Variants in INPP5A observed in about 807,000 individuals in gnomAD.
INPP5A encodes 43 kDa inositol polyphosphate 5-phophatase.
INPP5A carries 14 observed loss-of-function variants against 65.2 expected under a neutral mutation model. The ratio of observed to expected loss-of-function variants is 0.21; its 90% confidence interval spans 0.14 to 0.34. The LOEUF (loss-of-function observed/expected upper bound fraction) is 0.34. INPP5A is among the 10% of genes least tolerant of loss of function. The probability of loss-of-function intolerance (pLI) is 1.00; values close to 1 mark genes in which losing one functional copy is unlikely to be tolerated. For synonymous variants in INPP5A, 207 were observed against 208.3 expected (o/e 0.99, Z 0.05); for missense variants, 431 against 545.6 (o/e 0.79, Z 2.09).
rs559844299 is a variant in INPP5A at position 132,649,106 on chromosome 10, T to C, written c.219-1312T>C. Among the ~76,000 whole-genome samples the C allele has an allele frequency of 4.6e-5, 7 of 152,360 alleles. No individual in the cohort carries two copies. The South Asian group carries it at 1.4e-3, about 32-fold the overall frequency. On this transcript the variant is annotated intron_variant, in intron 3 of 15. Coordinates refer to ENST00000368594, the MANE Select transcript of INPP5A (RefSeq NM_005539.5). ...TGTGTTTCGGTTTGGATCGCCTCTG[T>C]TGCTGTATTTTTAAGTGGCTGGGCT...
intron 12 of INPP5A, among the ~76,000 whole-genome samples, chr10:132,770,449 C>CA (rs1457155573): frequency 6.6e-6 from 1 of 152,254 alleles, no homozygotes; most frequent in African/African-American, 2.4e-5. Context: ...TGGGAATTGT[C>CA]ACGTCCATTG....
In INPP5A at chr10:132,547,707, C is replaced by T. The variant is rs1396530133; in HGVS notation, c.75+9536C>T. ...TTTTCAAAGGGTTCCTCCGGGACGCCTCGCCTAGGCAAGCAGGGTTTTCCT... is the reference window on the plus strand; with the variant it reads ...TTTTCAAAGGGTTCCTCCGGGACGCTTCGCCTAGGCAAGCAGGGTTTTCCT... On this transcript the variant is annotated intron_variant, in intron 1 of 15. Coordinates refer to ENST00000368594, the MANE Select transcript of INPP5A (RefSeq NM_005539.5). This position sits in a 1 kb window ranked among gnomAD's most constrained non-coding sequence, Gnocchi z 5.5. Among the ~76,000 whole-genome samples, 1 of 152,120 alleles carries T rather than the reference C, an allele frequency of 6.6e-6. No homozygotes were observed. The highest frequency in any genetic ancestry group is 2.4e-5 in the African/African-American group (1 of 41,432).
rs893948181 is a variant in INPP5A at position 132,659,312 on chromosome 10, A to G, written c.306+8807A>G. Among the ~76,000 whole-genome samples the G allele has an allele frequency of 6.6e-6, 1 of 152,188 alleles. No individual in the cohort carries two copies. The highest frequency in any genetic ancestry group is 1.5e-5 in the Non-Finnish European group (1 of 68,028). On this transcript the variant is annotated intron_variant, in intron 4 of 15. Transcript: ENST00000368594. This position sits in a 1 kb window ranked among gnomAD's most constrained non-coding sequence, Gnocchi z 5.5. The stretch of plus-strand genomic sequence containing the variant: ...CTTGGAAGGGTCCAGAACTGGAAAG[A>G]TGGAGAGCTGCCATTGGCCCGTAGC...
At chr10:132,635,105 G>A (rs1202658413) in intron 2 of INPP5A, among the ~76,000 whole-genome samples, 1 of 152,210 alleles carries the variant, frequency 6.6e-6, no homozygotes, top group African/African-American at 2.4e-5. Flanking sequence ...TATTTGAAAT[G>A]TGATTCGTGC....
At chr10:132,738,384 TCTGTGTC>T (rs1258117051) in intron 9 of INPP5A, among the ~76,000 whole-genome samples, 1 of 152,266 alleles carries the variant, frequency 6.6e-6, no homozygotes, top group African/African-American at 2.4e-5. Context: ...AGGGCTGAGC[TCTGTGTC>T]CTGCGTCCCC....
chr10:132,736,337 C>T (rs1039820824), intron 9 of INPP5A, among the ~76,000 whole-genome samples: 2 of 152,250 alleles, frequency 1.3e-5, no homozygotes, highest in African/African-American at 2.4e-5. Context: ...CCACACCTGC[C>T]GTCCATCACG....
chr10:132,721,721 C>T (rs191650238), intron 8 of INPP5A, among the ~76,000 whole-genome samples: 1,881 of 143,586 alleles, frequency 0.013, 19 homozygotes, highest in Non-Finnish European at 0.021. Flanking sequence ...TGTCTGGGCG[C>T]CTTAGACTGC....
At chr10:132,596,754 C>T (rs539708282) in intron 1 of INPP5A, among the ~76,000 whole-genome samples, 240 of 152,146 alleles carry the variant, frequency 1.6e-3, no homozygotes, top group African/African-American at 5.3e-3. Context: ...TGTTTGTGTA[C>T]GTGTGTATGC....
At chr10:132,720,644 T>A (rs1356490492) in intron 8 of INPP5A, among the ~76,000 whole-genome samples, 15 of 149,824 alleles carry the variant, frequency 1.0e-4, no homozygotes, top group African/African-American at 3.4e-4. Flanking sequence ...TCTGGGCACC[T>A]TAGACGGCTG....
At chr10:132,681,128 G>C (rs1590920743) in intron 4 of INPP5A, among the ~76,000 whole-genome samples, 1 of 152,234 alleles carries the variant, frequency 6.6e-6, no homozygotes, top group African/African-American at 2.4e-5. Flanking sequence ...GAGTCTGGTG[G>C]GGACGTGCAG....
Position 132,727,203 on chromosome 10 carries a change from G to C in INPP5A, c.732+298G>C. 1 of 292,396 alleles carries C rather than the reference G, an allele frequency of 3.4e-6. No individual in the cohort carries two copies. Among genetic ancestry groups the C allele is most frequent in the Non-Finnish European group, 6.4e-6 (1 of 155,926 alleles). The allele number at this position is 292,396 out of a possible 1,614,324, so 18.1% of individuals were successfully genotyped here. A position where few individuals can be genotyped will look rare whatever the true frequency, so the allele number is the denominator to read the frequency against. On this transcript the variant is annotated intron_variant, in intron 9 of 15. Transcript: ENST00000368594. The surrounding 1 kb of genome is among the most constrained non-coding windows in gnomAD (Gnocchi z 6.5). ...AAGGAGCTGCTGGAGTGCCGTCACA[G>C]CGCCACCCCCTCGATGCCCACAGAG...
At chr10:132,747,458 C>A (rs566729465) in intron 9 of INPP5A, among the ~76,000 whole-genome samples, 7 of 152,382 alleles carry the variant, frequency 4.6e-5, no homozygotes, top group African/African-American at 1.7e-4. Flanking sequence ...CACCAGCCAC[C>A]AGGAGGTAGA....
At chr10:132,633,016 G>A (rs1485000887) in intron 2 of INPP5A, among the ~76,000 whole-genome samples, 3 of 152,236 alleles carry the variant, frequency 2.0e-5, no homozygotes, top group African/African-American at 4.8e-5. Context: ...CACTGCCTGG[G>A]GAGTTGGGGG....
chr10:132,754,577 T>C (rs1025172851), intron 11 of INPP5A, among the ~76,000 whole-genome samples: 4 of 152,236 alleles, frequency 2.6e-5, no homozygotes, highest in Non-Finnish European at 4.4e-5. Context: ...TCAAGTTCAC[T>C]TCAAACCACA....
At chr10:132,701,131 C>T (rs968626275) in intron 6 of INPP5A, among the ~76,000 whole-genome samples, 2 of 152,160 alleles carry the variant, frequency 1.3e-5, no homozygotes, top group African/African-American at 2.4e-5. Flanking sequence ...TTCTCCGTGG[C>T]GATTTATGCC....
At chr10:132,679,496 G>A (rs1324946566) in intron 4 of INPP5A, among the ~76,000 whole-genome samples, 1 of 152,068 alleles carries the variant, frequency 6.6e-6, no homozygotes, top group Non-Finnish European at 1.5e-5. Flanking sequence ...AGGAGGTGGA[G>A]GAGAAGGGCT....
rs1479822001 is a variant in INPP5A at position 132,625,302 on chromosome 10, TTC to T, written c.117+17349_117+17350del. Among the ~76,000 whole-genome samples the T allele has an allele frequency of 1.3e-5, 2 of 151,796 alleles. 1 individual carries two copies. The highest frequency in any genetic ancestry group is 4.8e-5 in the African/African-American group (2 of 41,324). Reference sequence around the variant, plus strand: ...TCCTGTCATCCCACCCCACACCCCTTTCTCAGCAGGATCTTTTTCTGTGGCCC... The same window carrying T: ...TCCTGTCATCCCACCCCACACCCCTTTCAGCAGGATCTTTTTCTGTGGCCC... On this transcript the variant is annotated intron_variant, in intron 2 of 15. Coordinates refer to ENST00000368594, the MANE Select transcript of INPP5A (RefSeq NM_005539.5).
intron 1 of INPP5A, among the ~76,000 whole-genome samples, chr10:132,541,692 G>A (rs961625005): frequency 3.3e-5 from 5 of 152,192 alleles, no homozygotes; most frequent in South Asian, 2.1e-4. Context: ...GGTGTTGGCC[G>A]TTCTTCCCTA....
chr10:132,641,651 G>T (rs73383156), intron 2 of INPP5A, among the ~76,000 whole-genome samples: 9 of 152,250 alleles, frequency 5.9e-5, no homozygotes, highest in South Asian at 2.1e-4. Context: ...TAAACTGTGC[G>T]TGGAGGTAGT....
Sources: gnomAD v4.1 joint callset for allele counts (sites outside exome capture counted in the v4.1 genomes callset) on GRCh38, gnomAD v4.1.1 for gene constraint, Gnocchi (gnomAD v3.1) non-coding constraint, MANE v1.5 for transcripts, NCBI Gene and HGNC (gene_info 2026-07-23, HGNC 2026-07-21) for gene names.